The following KCNIP4 variants were observed in gnomAD, a reference collection of about 807,000 sequenced individuals.
KCNIP4 encodes potassium voltage-gated channel interacting protein 4.
KCNIP4 carries 12 observed loss-of-function variants against 34.0 expected under a neutral mutation model. That is an observed-to-expected ratio of 0.35 (90% CI 0.23 to 0.57). The LOEUF (loss-of-function observed/expected upper bound fraction) is 0.57. Among genes scored for constraint, KCNIP4 ranks in the 20% least tolerant of loss-of-function variants. The pLI is 0.83. For missense variants in KCNIP4, 238 were observed against 311.7 expected, an observed-to-expected ratio of 0.76 and a Z score of 1.78; for synonymous variants, 124 against 102.2, an observed-to-expected ratio of 1.21 and a Z score of -1.29.
At chr4:21,261,909 C>A (rs558410366) in intron 1 of KCNIP4, among the ~76,000 whole-genome samples, 37 of 152,262 alleles carry the variant, frequency 2.4e-4, no homozygotes, top group African/African-American at 8.7e-4. Context: ...TTCCTACAAC[C>A]TGAATCAGAT....
At chr4:21,914,514 AC>A (rs1248094588) in intron 1 of KCNIP4, among the ~76,000 whole-genome samples, 3 of 152,078 alleles carry the variant, frequency 2.0e-5, no homozygotes, top group African/African-American at 7.2e-5. Flanking sequence ...TGGTCTCTGC[AC>A]CATGTGTCTC....
chr4:21,125,210 T>TATTTTATTTTATTTTATTTTAATTTA (rs1553942141), intron 1 of KCNIP4, among the ~76,000 whole-genome samples: 46 of 147,046 alleles, frequency 3.1e-4, no homozygotes, highest in Admixed American at 6.2e-4. Context: ...TATTTTATTT[T>TATTTTATTTTATTTTATTTTAATTTA]ATTTTATTTT....
At chr4:21,419,450 G>A (rs554058701) in intron 1 of KCNIP4, among the ~76,000 whole-genome samples, 16 of 151,990 alleles carry the variant, frequency 1.1e-4, no homozygotes, top group African/African-American at 3.4e-4. Flanking sequence ...ATTTAATATC[G>A]CCTCTATTAT....
chr4:21,601,925 TTC>T (rs1198476894), intron 1 of KCNIP4, among the ~76,000 whole-genome samples: 2 of 152,144 alleles, frequency 1.3e-5, no homozygotes, highest in East Asian at 3.8e-4. Context: ...CTCCCCATAT[TTC>T]TCTGTTACTT....
chr4:21,285,891 C>T (rs1038647301), intron 1 of KCNIP4, among the ~76,000 whole-genome samples: 1 of 152,090 alleles, frequency 6.6e-6, no homozygotes, highest in African/African-American at 2.4e-5. Context: ...TGGCTTGATG[C>T]CTGCCATCTA....
chr4:21,928,121 T>C (rs1020076389), intron 1 of KCNIP4, among the ~76,000 whole-genome samples: 3 of 127,178 alleles, frequency 2.4e-5, no homozygotes, highest in African/African-American at 9.6e-5. Context: ...TATATATATA[T>C]ATATATACAC....
intron 5 of KCNIP4, among the ~76,000 whole-genome samples, chr4:20,748,560 T>TATATATATA (rs1752879061): frequency 1.5e-5 from 1 of 64,910 alleles, no homozygotes; most frequent in African/African-American, 7.0e-5. Context: ...CTTCCAAATT[T>TATATATATA]TATATATATA....
intron 1 of KCNIP4, among the ~76,000 whole-genome samples, chr4:21,022,163 A>C (rs1740131277): frequency 6.6e-6 from 1 of 151,932 alleles, no homozygotes; most frequent in South Asian, 2.1e-4. Flanking sequence ...TTATGCAGCA[A>C]GTAAGTGTGT....
intron 1 of KCNIP4, among the ~76,000 whole-genome samples, chr4:21,466,517 T>G (rs376544827): frequency 6.6e-6 from 1 of 152,164 alleles, no homozygotes; most frequent in Non-Finnish European, 1.5e-5. Flanking sequence ...CTACAATTAA[T>G]TATCACAATG....
intron 1 of KCNIP4, among the ~76,000 whole-genome samples, chr4:21,769,146 C>A (rs904474494): frequency 6.6e-6 from 1 of 151,218 alleles, no homozygotes; most frequent in Non-Finnish European, 1.5e-5. Flanking sequence ...ACTCTCTCCA[C>A]ACTGTCATCA....
chr4:21,486,082 CT>C (rs1282259028), intron 1 of KCNIP4, among the ~76,000 whole-genome samples: 1 of 152,190 alleles, frequency 6.6e-6, no homozygotes, highest in Non-Finnish European at 1.5e-5. Context: ...ACCTAGCAGA[CT>C]ATCTCAGGAC....
At chr4:21,601,453 T>G (rs565631271) in intron 1 of KCNIP4, among the ~76,000 whole-genome samples, 1 of 151,972 alleles carries the variant, frequency 6.6e-6, no homozygotes, top group Non-Finnish European at 1.5e-5. Context: ...CCACTCCAAC[T>G]TAAATCACCA....
intron 1 of KCNIP4, among the ~76,000 whole-genome samples, chr4:21,670,623 G>C (rs1414135621): frequency 1.3e-5 from 2 of 152,076 alleles, no homozygotes; most frequent in Non-Finnish European, 1.5e-5. Context: ...AACACCATCT[G>C]GTAAAATTAC....
intron 1 of KCNIP4, among the ~76,000 whole-genome samples, chr4:21,837,392 GGGTGT>G (rs1723397456): frequency 6.6e-6 from 1 of 150,418 alleles, no homozygotes. Context: ...AAATTTAGCT[GGGTGT>G]GGTGGTGGGC....
At position 21,687,202 on chromosome 4, in the gene KCNIP4, GAGATATACCTA is replaced by G. The variant is rs1352008762; in HGVS notation, c.61+261358_61+261368del. ...GGGGAGGGGGGAGGGATAGCATTGG[GAGATATACCTA>G]ATGCTAGATGACGCGTTAGTGGGTG... On this transcript the variant is annotated intron_variant, in intron 1 of 8. Coordinates refer to ENST00000382152, the MANE Select transcript of KCNIP4 (RefSeq NM_025221.6). 7.2e-4 allele frequency among the ~76,000 whole-genome samples: 104 copies of G among 144,522 alleles called. 1 individual carries two copies. In the South Asian group the frequency reaches 0.023, roughly 32 times the overall value. The allele number at this position is 144,522 out of a possible 152,430, so 94.8% of individuals were successfully genotyped here.
At chr4:21,200,606 G>A (rs562262688) in intron 1 of KCNIP4, among the ~76,000 whole-genome samples, 2 of 151,872 alleles carry the variant, frequency 1.3e-5, no homozygotes, top group South Asian at 2.1e-4. Context: ...GGCATACAGA[G>A]TGGTATAATG....
At chr4:21,789,558 C>T (rs1344869852) in intron 1 of KCNIP4, among the ~76,000 whole-genome samples, 1 of 152,168 alleles carries the variant, frequency 6.6e-6, no homozygotes, top group Non-Finnish European at 1.5e-5. Context: ...TTAGATACAG[C>T]AACTGGGTCA....
chr4:21,917,293 C>A (rs1259953900), intron 1 of KCNIP4, among the ~76,000 whole-genome samples: 1 of 152,036 alleles, frequency 6.6e-6, no homozygotes, highest in Non-Finnish European at 1.5e-5. Flanking sequence ...CACCGCCACA[C>A]CCAGCTAATT....
At chr4:20,895,817 C>G (rs1264271405) in intron 1 of KCNIP4, among the ~76,000 whole-genome samples, 2 of 152,156 alleles carry the variant, frequency 1.3e-5, no homozygotes. Context: ...ATTAGCCATG[C>G]CTGATCATTC....
Sources: gnomAD v4.1 joint callset for allele counts (sites outside exome capture counted in the v4.1 genomes callset) on GRCh38, gnomAD v4.1.1 for gene constraint, MANE v1.5 for transcripts, NCBI Gene and HGNC (gene_info 2026-07-23, HGNC 2026-07-21) for gene names.